NALCN: variants seen among roughly 807,000 people sequenced by gnomAD.
NALCN encodes the protein sodium leak channel, non-selective, also known as sodium leak channel NALCN.
Under a neutral mutation model 225.3 loss-of-function variants are expected in NALCN, and 111 were observed. The observed-to-expected ratio is 0.49, with a 90% CI of 0.42 to 0.58. The LOEUF (loss-of-function observed/expected upper bound fraction) is 0.58, where lower values mean the gene tolerates loss of function less well. Among genes scored for constraint, NALCN ranks in the 20% least tolerant of loss-of-function variants. NALCN has a pLI of 0.00. For missense variants in NALCN, 1,378 were observed against 2,202.4 expected (o/e 0.63, Z 7.49); for synonymous variants, 764 against 769.0 (o/e 0.99, Z 0.11).
At chr13:101,302,125 A>G (rs1246588728) in intron 7 of NALCN, among the ~76,000 whole-genome samples, 1 of 152,240 alleles carries the variant, frequency 6.6e-6, no homozygotes, top group Non-Finnish European at 1.5e-5. Flanking sequence ...TAAAAAATTC[A>G]TAATAGTCCA....
intron 9 of NALCN, among the ~76,000 whole-genome samples, chr13:101,288,379 G>A (rs1455771028): frequency 6.6e-6 from 1 of 152,188 alleles, no homozygotes; most frequent in Non-Finnish European, 1.5e-5. Context: ...TAAGTTATAT[G>A]TAGCTTTCTT....
At chr13:101,256,665 T>G (rs1326536770) in intron 11 of NALCN, among the ~76,000 whole-genome samples, 2 of 152,056 alleles carry the variant, frequency 1.3e-5, no homozygotes, top group Non-Finnish European at 2.9e-5. Context: ...TCCTACTTCC[T>G]GGGAAAAACA....
At chr13:101,171,633 G>T (rs1210796840) in intron 15 of NALCN, among the ~76,000 whole-genome samples, 1 of 152,082 alleles carries the variant, frequency 6.6e-6, no homozygotes, top group Non-Finnish European at 1.5e-5. Context: ...AATTTCATAT[G>T]GTTATATGAT....
intron 12 of NALCN, among the ~76,000 whole-genome samples, chr13:101,231,260 CA>C (rs1001866880): frequency 2.0e-4 from 29 of 148,560 alleles, no homozygotes; most frequent in Middle Eastern, 3.4e-3. Context: ...CTCACATTTG[CA>C]AAAAAAAATA....
chr13:101,145,467 C>T (rs1420748995), intron 15 of NALCN, among the ~76,000 whole-genome samples: 1 of 152,082 alleles, frequency 6.6e-6, no homozygotes, highest in Non-Finnish European at 1.5e-5. Flanking sequence ...TGCTTGGACA[C>T]GACGAACTTA....
chr13:101,324,090 T>C (rs1427720171), intron 7 of NALCN, among the ~76,000 whole-genome samples: 4 of 152,202 alleles, frequency 2.6e-5, no homozygotes, highest in Admixed American at 1.3e-4. Context: ...TCTATTTAAG[T>C]ATGCAACCAG....
intron 6 of NALCN, among the ~76,000 whole-genome samples, chr13:101,358,933 C>T (rs541282769): frequency 2.0e-5 from 3 of 152,170 alleles, no homozygotes; most frequent in South Asian, 4.1e-4. Context: ...CTTCAGCAAA[C>T]GTAACACAGG....
intron 7 of NALCN, among the ~76,000 whole-genome samples, chr13:101,293,110 A>G (rs2043611788): frequency 6.6e-6 from 1 of 152,234 alleles, no homozygotes; most frequent in South Asian, 2.1e-4. Flanking sequence ...ACTAAAGCAT[A>G]TAAAGATAAA....
At chr13:101,214,777 A>G (rs1293982082) in intron 13 of NALCN, among the ~76,000 whole-genome samples, 1 of 152,134 alleles carries the variant, frequency 6.6e-6, no homozygotes, top group African/African-American at 2.4e-5. Flanking sequence ...GACTGCTGAG[A>G]TACTTGAGCA....
At chr13:101,263,191 T>C (rs1247994458) in intron 10 of NALCN, among the ~76,000 whole-genome samples, 2 of 152,176 alleles carry the variant, frequency 1.3e-5, no homozygotes, top group African/African-American at 4.8e-5. Context: ...TTGATGCATA[T>C]CCGTTTCCCT....
At chr13:101,064,885 G>T (rs1027952122) in intron 40 of NALCN, among the ~76,000 whole-genome samples, 6 of 152,186 alleles carry the variant, frequency 3.9e-5, no homozygotes, top group Non-Finnish European at 7.3e-5. Context: ...GACTCCATTT[G>T]ACCCTCTGTC....
At chr13:101,360,086 TTTCTTTC>T (rs1456870518) in intron 6 of NALCN, among the ~76,000 whole-genome samples, 1 of 147,352 alleles carries the variant, frequency 6.8e-6, no homozygotes, top group African/African-American at 2.6e-5. Flanking sequence ...TTTCTTTCTC[TTTCTTTC>T]TTTTCTTTCT....
chr13:101,246,450 A>G lies in NALCN; in HGVS notation c.1267-8528T>C, dbSNP rs1195488730. 2.0e-5 allele frequency among the ~76,000 whole-genome samples: 3 copies of G among 152,194 alleles called. No individual in the cohort carries two copies. The East Asian group carries it at 5.8e-4, about 29-fold the overall frequency. On this transcript the variant is annotated intron_variant, in intron 11 of 43. Transcript: ENST00000251127. Reference sequence around the variant, plus strand: ...CTCTTACATGAAATTCAGATTCAATAACAACAAAAAGTGATTACTGATTAC... The same window carrying G: ...CTCTTACATGAAATTCAGATTCAATGACAACAAAAAGTGATTACTGATTAC...
chr13:101,400,794 A>C (rs1447778183), intron 1 of NALCN, among the ~76,000 whole-genome samples: 1 of 152,034 alleles, frequency 6.6e-6, no homozygotes, highest in African/African-American at 2.4e-5. Flanking sequence ...TTCATCTTGA[A>C]TTATAATCCC....
At chr13:101,269,158 C>T (rs975396900) in intron 10 of NALCN, among the ~76,000 whole-genome samples, 4 of 151,154 alleles carry the variant, frequency 2.6e-5, no homozygotes, top group African/African-American at 4.9e-5. Flanking sequence ...ATTAGTTATT[C>T]CGCAACACTT....
chr13:101,061,969 GCT>G lies in NALCN; in HGVS notation c.4752_4753del (p.Arg1584SerfsTer2), dbSNP rs1064796154. 4.3e-6 allele frequency: 7 copies of G among 1,613,540 alleles called. No homozygotes were observed. The highest frequency in any genetic ancestry group is 1.3e-5 in the African/African-American group (1 of 75,050). ...CCTGCATGTGTGCAGTTCACTCACA[GCT>G]CTGATGCGCTTCAGGCACTTCTTGA... On this transcript the variant is annotated frameshift_variant and splice_region_variant, in exon 41 of 44. Transcript: ENST00000251127. LOFTEE classifies it high-confidence loss of function.
intron 6 of NALCN, among the ~76,000 whole-genome samples, chr13:101,346,087 C>CTCTCTCTCTCTCTCTCTCTCTCTATATA: frequency 6.1e-4 from 43 of 70,960 alleles, no homozygotes; most frequent in South Asian, 1.1e-3. Context: ...CTCTCTCTCT[C>CTCTCTCTCTCTCTCTCTCTCTCTATATA]TATATATATA....
rs116117466 is a variant in NALCN, at chr13:101,124,553, C to T, written c.2192+55G>A. 4,915 of 1,456,300 alleles carry T rather than the reference C, an allele frequency of 3.4e-3. 72 individuals carry two copies. In the African/African-American group the frequency reaches 0.04, roughly 12 times the overall value. The allele number at this position is 1,456,300 out of a possible 1,614,324, so 90.2% of individuals were successfully genotyped here. ...ATTCATTTTTCAAAAAGCTATTTTT[C>T]GATTAATATAATCCCACTTGTGTTT... On this transcript the variant is annotated intron_variant, in intron 18 of 43. Transcript: ENST00000251127.
intron 11 of NALCN, among the ~76,000 whole-genome samples, chr13:101,244,109 C>T (rs2041821664): frequency 6.6e-6 from 1 of 151,954 alleles, no homozygotes; most frequent in South Asian, 2.1e-4. Flanking sequence ...GCAGAGGAAG[C>T]AGTAATAGGC....
Sources: gnomAD v4.1 joint callset for allele counts (sites outside exome capture counted in the v4.1 genomes callset) on GRCh38, gnomAD v4.1.1 for gene constraint, MANE v1.5 for transcripts, NCBI Gene and HGNC (gene_info 2026-07-23, HGNC 2026-07-21) for gene names.